CLSTN2: variants seen among roughly 807,000 people sequenced by gnomAD.
CLSTN2 encodes the protein calsyntenin 2, also known as calsyntenin-2.
Under a neutral mutation model 101.2 loss-of-function variants are expected in CLSTN2, and 48 were observed. That is an observed-to-expected ratio of 0.47 (90% CI 0.38 to 0.60). CLSTN2 has a LOEUF of 0.60. Ranked by LOEUF, CLSTN2 falls within the 20% of genes least tolerant of loss-of-function variation. The probability of loss-of-function intolerance (pLI) is 0.00; values close to 1 mark genes in which losing one functional copy is unlikely to be tolerated. For missense variants in CLSTN2, 1,160 were observed against 1,238.2 expected, an observed-to-expected ratio of 0.94 and a Z score of 0.95; for synonymous variants, 481 against 463.6, an observed-to-expected ratio of 1.04 and a Z score of -0.48.
At chr3:140,279,432 G>C (rs1271717666) in intron 2 of CLSTN2, among the ~76,000 whole-genome samples, 1 of 152,232 alleles carries the variant, frequency 6.6e-6, no homozygotes, top group East Asian at 1.9e-4. Context: ...CCTGAGGTAT[G>C]CTGCCAAAAG....
chr3:140,275,746 T>C (rs2086789084), intron 2 of CLSTN2, among the ~76,000 whole-genome samples: 1 of 152,136 alleles, frequency 6.6e-6, no homozygotes, highest in Non-Finnish European at 1.5e-5. Context: ...CAGGTCTCAC[T>C]CCCTTGACAC....
At chr3:140,009,406 C>T (rs186330575) in intron 1 of CLSTN2, among the ~76,000 whole-genome samples, 1 of 152,028 alleles carries the variant, frequency 6.6e-6, no homozygotes, top group African/African-American at 2.4e-5. Context: ...TTAAAATCAC[C>T]AATAATCTCT....
chr3:140,228,764 A>C (rs2086346018), intron 2 of CLSTN2, among the ~76,000 whole-genome samples: 1 of 152,160 alleles, frequency 6.6e-6, no homozygotes, highest in Admixed American at 6.6e-5. Flanking sequence ...GCAGGCAGAG[A>C]GAGTTTGTGC....
In CLSTN2 at chr3:140,570,093, T is replaced by C. The variant is rs1985479657; in HGVS notation, c.*3840T>C. The C allele has an allele frequency of 6.6e-6, 1 of 152,182 alleles. No individual in the cohort carries two copies. The highest frequency in any genetic ancestry group is 1.5e-5 in the Non-Finnish European group (1 of 68,038). The allele number at this position is 152,182 out of a possible 1,614,324, so 9.4% of individuals were successfully genotyped here. The stretch of plus-strand genomic sequence containing the variant: ...TACATGGACCATCCAGTGAGAGAGC[T>C]GGGGGTGGTGAGAAGCAATGTCCCC... On this transcript the variant is annotated 3_prime_UTR_variant, in exon 17 of 17. Coordinates refer to ENST00000458420, the MANE Select transcript of CLSTN2 (RefSeq NM_022131.3).
chr3:139,981,139 C>T (rs1273316897), intron 1 of CLSTN2, among the ~76,000 whole-genome samples: 6 of 152,120 alleles, frequency 3.9e-5, no homozygotes, highest in African/African-American at 1.4e-4. Context: ...GGCCTCATCT[C>T]TTTTCTCACA....
intron 12 of CLSTN2, among the ~76,000 whole-genome samples, chr3:140,559,853 C>T (rs904481184): frequency 6.6e-6 from 1 of 152,126 alleles, no homozygotes; most frequent in African/African-American, 2.4e-5. Flanking sequence ...AAGAGACAGC[C>T]CTTCTTAGCT....
intron 1 of CLSTN2, among the ~76,000 whole-genome samples, chr3:140,040,624 T>C (rs1419590559): frequency 5.3e-5 from 8 of 152,050 alleles, no homozygotes; most frequent in Admixed American, 5.3e-4. Context: ...CTGAATATTT[T>C]ATTCAGTGCT....
At chr3:140,418,321 G>C (rs1260772874) in intron 4 of CLSTN2, among the ~76,000 whole-genome samples, 2 of 151,932 alleles carry the variant, frequency 1.3e-5, no homozygotes, top group Non-Finnish European at 2.9e-5. Flanking sequence ...AATAATTGAG[G>C]AGAAATGAAA....
At chr3:140,563,402 G>A (rs953468399) in intron 15 of CLSTN2, among the ~76,000 whole-genome samples, 199 bp downstream of exon 15, 7 of 152,128 alleles carry the variant, frequency 4.6e-5, no homozygotes, top group African/African-American at 7.2e-5. Flanking sequence ...AAGAAATTAC[G>A]CAACACACAT....
chr3:140,545,900 G>A (rs770375039), intron 9 of CLSTN2, among the ~76,000 whole-genome samples: 4 of 152,144 alleles, frequency 2.6e-5, no homozygotes, highest in African/African-American at 9.7e-5. Context: ...ATTTAAGCAC[G>A]GGTGGAATCA....
intron 1 of CLSTN2, among the ~76,000 whole-genome samples, chr3:139,984,460 C>T (rs946717778): frequency 6.6e-6 from 1 of 152,168 alleles, no homozygotes; most frequent in Non-Finnish European, 1.5e-5. Flanking sequence ...GTTCTCACTG[C>T]CTGCTCCAAG....
At chr3:140,126,483 G>A (rs556107914) in intron 1 of CLSTN2, among the ~76,000 whole-genome samples, 36 of 152,016 alleles carry the variant, frequency 2.4e-4, no homozygotes, top group Non-Finnish European at 5.1e-4. Context: ...AAGCCCTAAG[G>A]GACCTCTAGG....
In CLSTN2 at chr3:140,230,318, G is replaced by A. The variant is rs1272846582; in HGVS notation, c.232+54245G>A. Among the ~76,000 whole-genome samples the A allele has an allele frequency of 3.3e-5, 5 of 152,208 alleles. No individual in the cohort carries two copies. In the South Asian group the frequency reaches 8.3e-4, roughly 25 times the overall value. On this transcript the variant is annotated intron_variant, in intron 2 of 16. Coordinates refer to ENST00000458420, the MANE Select transcript of CLSTN2 (RefSeq NM_022131.3). ...TAGCATCATAAGAGCAAAGGCATATGTCAAACCAGTGGGTATTTTAGACCT... is the reference window on the plus strand; with the variant it reads ...TAGCATCATAAGAGCAAAGGCATATATCAAACCAGTGGGTATTTTAGACCT...
In CLSTN2 at chr3:140,448,572, C is replaced by G; in HGVS notation, c.841C>G (p.Pro281Ala). 6.2e-7 allele frequency: 1 copy of G among 1,614,094 alleles called. No individual in the cohort carries two copies. Among genetic ancestry groups the G allele is most frequent in the Non-Finnish European group, 8.5e-7 (1 of 1,179,990 alleles). The change falls in exon 6 of 17, where the codon CCC (proline) becomes GCC (alanine). Residue 281 changes from proline to alanine, a missense_variant. Coordinates refer to ENST00000458420, the MANE Select transcript of CLSTN2 (RefSeq NM_022131.3). ...QPGSGSMPLF[P>A]SIHLETCDGA... ...TGGCTCCGGGAGCATGCCCCTGTTC[C>G]CCAGCATCCACCTGGAGACGTGCGA...
intron 2 of CLSTN2, among the ~76,000 whole-genome samples, chr3:140,344,759 C>T (rs1208290123): frequency 1.3e-5 from 2 of 152,166 alleles, no homozygotes; most frequent in Admixed American, 1.3e-4. Context: ...ATTGAATTGA[C>T]CTGTCTTTAT....
At chr3:140,270,248 A>G (rs1310313070) in intron 2 of CLSTN2, among the ~76,000 whole-genome samples, 2 of 152,176 alleles carry the variant, frequency 1.3e-5, no homozygotes, top group Non-Finnish European at 2.9e-5. Flanking sequence ...GAGGAGATGT[A>G]CACTCAAAGA....
chr3:140,068,308 G>C (rs919583936), intron 1 of CLSTN2, among the ~76,000 whole-genome samples: 1 of 152,284 alleles, frequency 6.6e-6, no homozygotes, highest in African/African-American at 2.4e-5. Context: ...TTCATTTAAC[G>C]CTCTTTGGGC....
chr3:139,957,360 G>A (rs1292159733), intron 1 of CLSTN2, among the ~76,000 whole-genome samples: 1 of 152,150 alleles, frequency 6.6e-6, no homozygotes, highest in Non-Finnish European at 1.5e-5. Flanking sequence ...AACTGGTGCA[G>A]AGAGATCAAG....
intron 2 of CLSTN2, among the ~76,000 whole-genome samples, chr3:140,189,045 C>T (rs2010523187): frequency 6.6e-6 from 1 of 152,084 alleles, no homozygotes; most frequent in Admixed American, 6.6e-5. Context: ...TTAGAATTGG[C>T]TTTTTTTCTC....
Sources: allele counts gnomAD v4.1 joint callset (sites outside exome capture counted in the v4.1 genomes callset), GRCh38; gene constraint gnomAD v4.1.1; transcripts MANE v1.5; gene names NCBI Gene and HGNC (gene_info 2026-07-23, HGNC 2026-07-21).